Variants in ATP13A4 observed in about 807,000 individuals in gnomAD.
ATP13A4 encodes ATPase 13A4.
ATP13A4 carries 114 observed loss-of-function variants against 142.5 expected under a neutral mutation model. The observed-to-expected ratio is 0.80, with a 90% confidence interval of 0.69 to 0.93. ATP13A4 has a LOEUF of 0.93. Among genes scored for constraint, ATP13A4 ranks in the 40% least tolerant of loss-of-function variants. The pLI, the probability that ATP13A4 is intolerant of heterozygous loss-of-function variation, is 0.00. For missense variants in ATP13A4, 1,392 were observed against 1,454.0 expected (o/e 0.96, Z 0.69); for synonymous variants, 488 against 514.8 (o/e 0.95, Z 0.70).
intron 25 of ATP13A4, among the ~76,000 whole-genome samples, chr3:193,428,619 G>T (rs994764818): frequency 2.0e-5 from 3 of 151,902 alleles, no homozygotes; most frequent in Admixed American, 2.0e-4. Context: ...CCATAAAAAA[G>T]GATGAGTTCA....
chr3:193,554,072 C>T (rs1015641580), intron 1 of ATP13A4, among the ~76,000 whole-genome samples: 2 of 152,186 alleles, frequency 1.3e-5, no homozygotes, highest in African/African-American at 4.8e-5. Flanking sequence ...TAAATTCATC[C>T]TGAGCATGAA....
chr3:193,554,666 G>A (rs577839075), intron 1 of ATP13A4, 74 bp downstream of exon 1: 10 of 1,175,492 alleles, frequency 8.5e-6, no homozygotes, highest in South Asian at 4.0e-5. Context: ...GTGTGTGTGT[G>A]TGTGTGTGTG....
chr3:193,539,653 G>A (rs886773818), intron 1 of ATP13A4, among the ~76,000 whole-genome samples: 7 of 152,152 alleles, frequency 4.6e-5, no homozygotes, highest in African/African-American at 1.2e-4. Context: ...CTGAGCCTTT[G>A]GAGATGGGGT....
intron 1 of ATP13A4, chr3:193,553,437 G>A (rs1051508460): frequency 6.6e-6 from 1 of 152,192 alleles, no homozygotes; most frequent in African/African-American, 2.4e-5. Flanking sequence ...TGTTTCAGAG[G>A]AAGGAGCCCC....
intron 11 of ATP13A4, among the ~76,000 whole-genome samples, chr3:193,465,774 A>G (rs1718239503): frequency 6.6e-6 from 1 of 152,266 alleles, no homozygotes; most frequent in Non-Finnish European, 1.5e-5. Context: ...ATAAAGTGTG[A>G]GGAAAAGAGA....
Position 193,440,587 on chromosome 3 carries a change from G to A in ATP13A4, c.2490C>T (p.Ser830=). Residue 830 remains serine, a synonymous_variant, in exon 21 of 30, where the codon TCC becomes TCT. Coordinates refer to ENST00000342695, the MANE Select transcript of ATP13A4 (RefSeq NM_032279.4). ...IFARMSPGQK[S]SLVEEFQKLD... ...GTTTCTGAAATTCTTCCACCAGACTGGACTTCTGCCCAGGAGACATTCTTG... is the reference window on the plus strand; with the variant it reads ...GTTTCTGAAATTCTTCCACCAGACTAGACTTCTGCCCAGGAGACATTCTTG... 13 of 1,614,032 alleles carry A rather than the reference G, an allele frequency of 8.1e-6. No individual in the cohort carries two copies. Among genetic ancestry groups the A allele is most frequent in the Non-Finnish European group, 1.1e-5 (13 of 1,179,920 alleles).
At chr3:193,535,202 A>C (rs1353037657) in intron 1 of ATP13A4, among the ~76,000 whole-genome samples, 1 of 152,244 alleles carries the variant, frequency 6.6e-6, no homozygotes, top group Non-Finnish European at 1.5e-5. Flanking sequence ...ATATTTATTG[A>C]AGAATCTAGC....
intron 21 of ATP13A4, 125 bp downstream of exon 21, chr3:193,440,433 T>A (rs554174857): frequency 1.3e-6 from 2 of 1,526,324 alleles, no homozygotes; most frequent in African/African-American, 1.4e-5. Flanking sequence ...CAAGTGATTA[T>A]CTCATGCAGC....
chr3:193,436,820 C>T (rs951122884), intron 23 of ATP13A4, among the ~76,000 whole-genome samples: 14 of 146,516 alleles, frequency 9.6e-5, no homozygotes, highest in East Asian at 2.2e-4. Flanking sequence ...ACCTGATCCC[C>T]GGGGCCGGGC....
chr3:193,471,208 A>G (rs1159138398), intron 8 of ATP13A4, among the ~76,000 whole-genome samples: 2 of 152,186 alleles, frequency 1.3e-5, no homozygotes, highest in Non-Finnish European at 2.9e-5. Flanking sequence ...GTGGCAAAGT[A>G]ATAAGAAAAA....
chr3:193,441,808 G>A (rs536747009), intron 19 of ATP13A4, among the ~76,000 whole-genome samples: 99 of 152,232 alleles, frequency 6.5e-4, no homozygotes, highest in Non-Finnish European at 9.7e-4. Context: ...TGTTTTCATC[G>A]TGATTTGATC....
chr3:193,433,574 T>C (rs750307341), intron 25 of ATP13A4, among the ~76,000 whole-genome samples: 3 of 152,194 alleles, frequency 2.0e-5, no homozygotes, highest in Non-Finnish European at 4.4e-5. Context: ...CAAGCTGCTT[T>C]TTTCATTTTA....
At chr3:193,456,149 C>T (rs1281365442) in intron 16 of ATP13A4, among the ~76,000 whole-genome samples, 3 of 152,038 alleles carry the variant, frequency 2.0e-5, no homozygotes, top group Non-Finnish European at 2.9e-5. Flanking sequence ...AACAAACCTG[C>T]ACATGTACCA....
intron 1 of ATP13A4, among the ~76,000 whole-genome samples, chr3:193,521,941 A>C (rs986255006): frequency 2.0e-5 from 3 of 151,648 alleles, no homozygotes; most frequent in Middle Eastern, 6.8e-3. Context: ...TAAAAAAATA[A>C]TACTAATAAA....
At chr3:193,420,581 T>C (rs1715355519) in intron 25 of ATP13A4, among the ~76,000 whole-genome samples, 1 of 149,684 alleles carries the variant, frequency 6.7e-6, no homozygotes, top group South Asian at 2.1e-4. Flanking sequence ...GGAAACTCAG[T>C]GAGATACAAG....
At chr3:193,478,821 A>G (rs1317456377) in intron 8 of ATP13A4, among the ~76,000 whole-genome samples, 1 of 128,138 alleles carries the variant, frequency 7.8e-6, no homozygotes, top group African/African-American at 3.0e-5. Flanking sequence ...ACAAAAAAAG[A>G]AAACCACAGA....
chr3:193,457,086 A>T lies in ATP13A4; in HGVS notation c.1829T>A (p.Val610Asp). ...GTCACCTCCCATCTCTTGGACAATG[A>T]CTGTCATTCTTTGCAGTGCCGATGA... Reference protein sequence around the residue: ...PFSSALQRMTVIVQEMGGDRL... With the variant: ...PFSSALQRMTDIVQEMGGDRL... Residue 610 changes from valine to aspartate, a missense_variant, in exon 16 of 30, where the codon GTC (valine) becomes GAC (aspartate). Physicochemically the swap from Val to Asp is radical, Grantham distance 152 (BLOSUM62 -3). Coordinates refer to ENST00000342695, the MANE Select transcript of ATP13A4 (RefSeq NM_032279.4). The T allele has an allele frequency of 1.2e-6, 2 of 1,613,976 alleles. No individual in the cohort carries two copies. The highest frequency in any genetic ancestry group is 1.7e-6 in the Non-Finnish European group (2 of 1,180,034).
At chr3:193,480,712 A>G (rs1225059998) in intron 8 of ATP13A4, among the ~76,000 whole-genome samples, 1 of 152,210 alleles carries the variant, frequency 6.6e-6, no homozygotes, top group Non-Finnish European at 1.5e-5. Flanking sequence ...TATGGAAAAC[A>G]CTATGGAGAT....
chr3:193,440,889 G>A (rs1250748287), intron 20 of ATP13A4, among the ~76,000 whole-genome samples: 2 of 152,088 alleles, frequency 1.3e-5, no homozygotes, highest in Admixed American at 1.3e-4. Flanking sequence ...ATGACCTACA[G>A]GAATTTACCT....
Sources: allele counts gnomAD v4.1 joint callset (sites outside exome capture counted in the v4.1 genomes callset), GRCh38; gene constraint gnomAD v4.1.1; transcripts MANE v1.5; gene names NCBI Gene and HGNC (gene_info 2026-07-23, HGNC 2026-07-21).